The following KHDRBS2 variants were observed in gnomAD, a reference collection of about 807,000 sequenced individuals.
The protein encoded by KHDRBS2 is KH RNA binding domain containing, signal transduction associated 2.
KHDRBS2 carries 26 observed loss-of-function variants against 44.3 expected under a neutral mutation model. The ratio of observed to expected loss-of-function variants is 0.59; its 90% confidence interval spans 0.43 to 0.81. The LOEUF is 0.81. Among genes scored for constraint, KHDRBS2 ranks in the 40% least tolerant of loss-of-function variants. The pLI is 0.00. For missense variants in KHDRBS2, 476 were observed against 433.1 expected, an observed-to-expected ratio of 1.10 and a Z score of -0.88; for synonymous variants, 194 against 151.1, an observed-to-expected ratio of 1.28 and a Z score of -2.08.
intron 1 of KHDRBS2, among the ~76,000 whole-genome samples, chr6:62,268,290 T>G (rs1039087637): frequency 6.6e-6 from 1 of 152,062 alleles, no homozygotes; most frequent in Non-Finnish European, 1.5e-5. Context: ...TAGATCATTG[T>G]TAAATCTTCT....
At chr6:61,997,825 T>C (rs1777491597) in intron 3 of KHDRBS2, among the ~76,000 whole-genome samples, 1 of 152,130 alleles carries the variant, frequency 6.6e-6, no homozygotes, top group Non-Finnish European at 1.5e-5. Flanking sequence ...GTTGCCATTC[T>C]CCAAAGATCA....
chr6:61,561,222 T>C, the KHDRBS2 span, among the ~76,000 whole-genome samples: 3 of 152,176 alleles, frequency 2.0e-5, no homozygotes, highest in Non-Finnish European at 4.4e-5. Context: ...TTTCTGTCTC[T>C]CACTCTGTCT....
At chr6:61,782,231 T>C (rs1464681493) in intron 6 of KHDRBS2, among the ~76,000 whole-genome samples, 1 of 152,090 alleles carries the variant, frequency 6.6e-6, no homozygotes, top group Admixed American at 6.6e-5. Flanking sequence ...GAGGCAGCAG[T>C]TATTTAAATT....
At chr6:61,772,910 G>A (rs185575852) in intron 6 of KHDRBS2, among the ~76,000 whole-genome samples, 4,794 of 152,016 alleles carry the variant, frequency 0.032, 246 homozygotes, top group African/African-American at 0.11. Context: ...TTGTTCTTGC[G>A]ATAGTTTACT....
intron 1 of KHDRBS2, among the ~76,000 whole-genome samples, chr6:62,275,029 A>ACG: frequency 1.3e-5 from 2 of 151,628 alleles, no homozygotes; most frequent in South Asian, 4.2e-4. Flanking sequence ...ACACACACAC[A>ACG]CACACACACA....
intron 2 of KHDRBS2, among the ~76,000 whole-genome samples, chr6:62,104,498 C>A (rs1376606012): frequency 6.6e-6 from 1 of 152,044 alleles, no homozygotes; most frequent in Non-Finnish European, 1.5e-5. Context: ...TTAAAAAAAT[C>A]TTGATTATTC....
At chr6:61,854,379 A>G (rs1030098525) in intron 6 of KHDRBS2, among the ~76,000 whole-genome samples, 1 of 152,130 alleles carries the variant, frequency 6.6e-6, no homozygotes, top group African/African-American at 2.4e-5. Context: ...TATTAAAATA[A>G]CTAAATGTAT....
rs113300633 is a variant in KHDRBS2, at chr6:61,956,904, TTCA to T, written c.483+21159_483+21161del. Among the ~76,000 whole-genome samples, 278 of 148,412 alleles carry T rather than the reference TTCA, an allele frequency of 1.9e-3. 3 individuals are homozygous for T. The East Asian group carries it at 0.03, about 16-fold the overall frequency. Reference sequence around the variant, plus strand: ...AGCAAACATTCCATAGTTATTGGTTTTCATCATCATCATCATCATCATCATCAT... The same window carrying T: ...AGCAAACATTCCATAGTTATTGGTTTTCATCATCATCATCATCATCATCAT... On this transcript the variant is annotated intron_variant, in intron 4 of 8. Transcript: ENST00000281156.
intron 7 of KHDRBS2, among the ~76,000 whole-genome samples, chr6:61,698,547 G>A (rs10081100): frequency 0.055 from 8,389 of 151,954 alleles, 369 homozygotes; most frequent in African/African-American, 0.11. Context: ...TTCTATTATC[G>A]ATGTAGCAGT....
chr6:61,794,268 C>A (rs1785017323), intron 6 of KHDRBS2, among the ~76,000 whole-genome samples: 1 of 152,094 alleles, frequency 6.6e-6, no homozygotes, highest in Admixed American at 6.6e-5. Context: ...TTACCCATTC[C>A]ACCGATGGGG....
intron 1 of KHDRBS2, among the ~76,000 whole-genome samples, chr6:62,265,685 T>C (rs1563158430): frequency 6.6e-6 from 1 of 152,034 alleles, no homozygotes; most frequent in Non-Finnish European, 1.5e-5. Context: ...AATTCTTTTC[T>C]TATTTTCTTT....
At chr6:61,908,943 T>C (rs916602515) in intron 4 of KHDRBS2, among the ~76,000 whole-genome samples, 2 of 152,218 alleles carry the variant, frequency 1.3e-5, no homozygotes, top group African/African-American at 2.4e-5. Context: ...AGATGAATTA[T>C]AAAGTAGCTT....
intron 6 of KHDRBS2, among the ~76,000 whole-genome samples, chr6:61,794,740 T>C (rs1217661704): frequency 6.6e-6 from 1 of 152,134 alleles, no homozygotes; most frequent in African/African-American, 2.4e-5. Context: ...TAGAAAGTTA[T>C]AGGCACAAAT....
At chr6:61,948,743 C>A (rs1274656554) in intron 4 of KHDRBS2, among the ~76,000 whole-genome samples, 2 of 150,632 alleles carry the variant, frequency 1.3e-5, no homozygotes, top group East Asian at 3.9e-4. Flanking sequence ...GAACTCCTGG[C>A]CTCAAGTGAT....
intron 1 of KHDRBS2, among the ~76,000 whole-genome samples, chr6:62,249,848 T>TA (rs1273913145): frequency 6.6e-6 from 1 of 152,046 alleles, no homozygotes. Context: ...AACACTGCCA[T>TA]AAAAAACCTT....
intron 2 of KHDRBS2, among the ~76,000 whole-genome samples, chr6:62,049,568 C>A (rs1440616573): frequency 6.6e-6 from 1 of 150,720 alleles, no homozygotes; most frequent in Non-Finnish European, 1.5e-5. Context: ...TAAATGTCAT[C>A]TTTTGGGAAG....
At chr6:61,554,309 G>C in the KHDRBS2 span, among the ~76,000 whole-genome samples, 1 of 151,888 alleles carries the variant, frequency 6.6e-6, no homozygotes, top group Admixed American at 6.6e-5. Flanking sequence ...TGTTTTATCT[G>C]AAATTAGAAG....
intron 2 of KHDRBS2, among the ~76,000 whole-genome samples, chr6:62,066,701 A>G (rs1422123919): frequency 2.0e-5 from 3 of 151,700 alleles, no homozygotes; most frequent in Non-Finnish European, 4.4e-5. Flanking sequence ...TATTGAGCAT[A>G]CATTATGTGA....
chr6:62,108,123 A>G lies in KHDRBS2; in HGVS notation c.220-60129T>C, dbSNP rs545960738. 1.5e-3 allele frequency among the ~76,000 whole-genome samples: 225 copies of G among 152,294 alleles called. 2 individuals carry two copies. Among genetic ancestry groups the G allele is most frequent in the African/African-American group, 5.3e-3 (221 of 41,578 alleles). On this transcript the variant is annotated intron_variant, in intron 2 of 8. Coordinates refer to ENST00000281156, the MANE Select transcript of KHDRBS2 (RefSeq NM_152688.4). Reference sequence around the variant, plus strand: ...TCTAATTAAACTAAAGAGCTTCTGCACAGCAAAAGAAACTACCATCAGAGT... The same window carrying G: ...TCTAATTAAACTAAAGAGCTTCTGCGCAGCAAAAGAAACTACCATCAGAGT...
Sources: allele counts gnomAD v4.1 joint callset (sites outside exome capture counted in the v4.1 genomes callset), GRCh38; gene constraint gnomAD v4.1.1; transcripts MANE v1.5; gene names NCBI Gene and HGNC (gene_info 2026-07-23, HGNC 2026-07-21).